The following CLDN10 variants were observed in gnomAD, a reference collection of about 807,000 sequenced individuals.
CLDN10 encodes claudin 10, also known as claudin-10.
CLDN10 carries 15 observed loss-of-function variants against 22.9 expected under a neutral mutation model. The ratio of observed to expected loss-of-function variants is 0.65; its 90% CI spans 0.44 to 1.01. The LOEUF is 1.01. Among genes scored for constraint, CLDN10 ranks in the 50% least tolerant of loss-of-function variants. CLDN10 has a pLI of 0.00. For missense variants in CLDN10, 247 were observed against 287.8 expected (o/e 0.86, Z 1.03); for synonymous variants, 114 against 111.4 (o/e 1.02, Z -0.15).
intron 1 of CLDN10, among the ~76,000 whole-genome samples, chr13:95,509,591 C>A (rs1329283328): frequency 6.6e-6 from 1 of 152,172 alleles, no homozygotes; most frequent in Admixed American, 6.5e-5. Context: ...ATTTTAGCTT[C>A]ATAAAAATGT....
intron 1 of CLDN10, among the ~76,000 whole-genome samples, chr13:95,455,720 T>C (rs1418492685): frequency 6.6e-6 from 1 of 152,250 alleles, no homozygotes; most frequent in Non-Finnish European, 1.5e-5. Context: ...ATAACACTTT[T>C]CATATCATTT....
At chr13:95,456,358 T>C (rs991138237) in intron 1 of CLDN10, among the ~76,000 whole-genome samples, 1 of 152,146 alleles carries the variant, frequency 6.6e-6, no homozygotes, top group South Asian at 2.1e-4. Flanking sequence ...CCCTTTCCCA[T>C]ATCTACTCTC....
chr13:95,533,581 A>G (rs1001996568), intron 1 of CLDN10: 1 of 152,198 alleles, frequency 6.6e-6, no homozygotes, highest in East Asian at 1.9e-4. Context: ...TTGTACAGGT[A>G]TAAGAAGGTG....
At chr13:95,460,260 A>G (rs961598513) in intron 1 of CLDN10, among the ~76,000 whole-genome samples, 1 of 152,130 alleles carries the variant, frequency 6.6e-6, no homozygotes, top group Non-Finnish European at 1.5e-5. Context: ...AAACTCTTCC[A>G]ACCTCTGCCT....
intron 1 of CLDN10, among the ~76,000 whole-genome samples, chr13:95,559,917 G>A (rs935035393): frequency 2.6e-5 from 4 of 152,156 alleles, no homozygotes; most frequent in Non-Finnish European, 5.9e-5. Flanking sequence ...TCTATCCTGA[G>A]GATTCCCCAT....
intron 1 of CLDN10, among the ~76,000 whole-genome samples, chr13:95,484,865 CAAAAAAA>C (rs746231195): frequency 5.0e-4 from 47 of 93,618 alleles, no homozygotes; most frequent in African/African-American, 1.4e-3. Flanking sequence ...GACCCTGTCT[CAAAAAAA>C]AAAAAAAAAA....
intron 1 of CLDN10, among the ~76,000 whole-genome samples, chr13:95,542,751 G>A (rs781781527): frequency 6.6e-6 from 1 of 152,170 alleles, no homozygotes; most frequent in Non-Finnish European, 1.5e-5. Context: ...AAATTGCAGT[G>A]AGCCAAGATG....
intron 1 of CLDN10, among the ~76,000 whole-genome samples, chr13:95,515,514 C>T (rs535710422): frequency 6.6e-6 from 1 of 152,100 alleles, no homozygotes; most frequent in East Asian, 1.9e-4. Flanking sequence ...AATGGACTGC[C>T]TTTTGTGGCA....
chr13:95,450,557 G>A (rs918481298), intron 1 of CLDN10, among the ~76,000 whole-genome samples: 6 of 152,166 alleles, frequency 3.9e-5, no homozygotes, highest in Non-Finnish European at 5.9e-5. Flanking sequence ...TCTTTGCCAT[G>A]TGTCTTCCTC....
chr13:95,496,037 C>T (rs543970462), intron 1 of CLDN10, among the ~76,000 whole-genome samples: 1 of 152,324 alleles, frequency 6.6e-6, no homozygotes, highest in East Asian at 1.9e-4. Flanking sequence ...TTTATCTTCC[C>T]CAGATGTTCC....
intron 3 of CLDN10, among the ~76,000 whole-genome samples, chr13:95,573,717 TTGTGTG>T (rs34469647): frequency 0.016 from 2,334 of 149,006 alleles, 57 homozygotes; most frequent in African/African-American, 0.053. Flanking sequence ...TTATTTTTAT[TTGTGTG>T]TGTGTGTGTG....
intron 1 of CLDN10, among the ~76,000 whole-genome samples, chr13:95,523,387 G>T (rs1381111562): frequency 6.6e-6 from 1 of 152,056 alleles, no homozygotes; most frequent in Non-Finnish European, 1.5e-5. Context: ...AACCACATAA[G>T]GAATTGTTAC....
chr13:95,504,991 C>G (rs1387026487), intron 1 of CLDN10, among the ~76,000 whole-genome samples: 1 of 152,188 alleles, frequency 6.6e-6, no homozygotes, highest in Non-Finnish European at 1.5e-5. Context: ...TGCTCTTCCC[C>G]CAACTCAAGA....
At chr13:95,475,882 GC>G (rs1327430378) in intron 1 of CLDN10, among the ~76,000 whole-genome samples, 2 of 151,662 alleles carry the variant, frequency 1.3e-5, no homozygotes, top group African/African-American at 4.8e-5. Context: ...CGGGACTTGA[GC>G]ACCATGGCTC....
At chr13:95,512,324 A>G (rs983721961) in intron 1 of CLDN10, among the ~76,000 whole-genome samples, 1 of 151,300 alleles carries the variant, frequency 6.6e-6, no homozygotes, top group Non-Finnish European at 1.5e-5. Flanking sequence ...TAATATGAGC[A>G]ATGTGTTTGA....
chr13:95,532,482 G>C (rs1259270920), intron 1 of CLDN10, among the ~76,000 whole-genome samples: 1 of 152,074 alleles, frequency 6.6e-6, no homozygotes, highest in Non-Finnish European at 1.5e-5. Flanking sequence ...TAAAACAAGA[G>C]ACTGATAACA....
chr13:95,524,868 T>TTA (rs1844700410), intron 1 of CLDN10, among the ~76,000 whole-genome samples: 1 of 150,612 alleles, frequency 6.6e-6, no homozygotes, highest in East Asian at 1.9e-4. Context: ...TATTTTTATT[T>TTA]TTTTTTTTGA....
intron 1 of CLDN10, among the ~76,000 whole-genome samples, chr13:95,512,621 G>T (rs1356613111): frequency 6.6e-6 from 1 of 152,192 alleles, no homozygotes; most frequent in South Asian, 2.1e-4. Flanking sequence ...GCCCAGAGCA[G>T]TATCAGCTGC....
intron 1 of CLDN10, among the ~76,000 whole-genome samples, chr13:95,508,308 A>G (rs1002640665): frequency 6.6e-6 from 1 of 152,102 alleles, no homozygotes; most frequent in Non-Finnish European, 1.5e-5. Flanking sequence ...TCTTCTCTGC[A>G]TTAGTGTTGA....
Sources: gnomAD v4.1 joint callset for allele counts (sites outside exome capture counted in the v4.1 genomes callset) on GRCh38, gnomAD v4.1.1 for gene constraint, MANE v1.5 for transcripts, NCBI Gene and HGNC (gene_info 2026-07-23, HGNC 2026-07-21) for gene names.